The following C8orf34 variants were observed in gnomAD, a reference collection of about 807,000 sequenced individuals.
C8orf34 encodes the protein uncharacterized protein C8orf34.
A neutral mutation model predicts 68.3 loss-of-function variants in C8orf34; 65 were observed. That is an observed-to-expected ratio of 0.95 (90% confidence interval 0.78 to 1.17). The LOEUF is 1.17. Among genes scored for constraint, C8orf34 ranks in the 50% most tolerant of loss-of-function variants. C8orf34 has a pLI of 0.00. For synonymous variants in C8orf34, 244 were observed against 241.2 expected, an observed-to-expected ratio of 1.01 and a Z score of -0.11; for missense variants, 664 against 655.4, an observed-to-expected ratio of 1.01 and a Z score of -0.14.
chr8:68,659,922 G>A lies in C8orf34; in HGVS notation c.1241+19411G>A, dbSNP rs556460953. The stretch of plus-strand genomic sequence containing the variant: ...GAAAAGGATCTAAGACAACAATTGC[G>A]AATGACAAAATATCCAATGTAGTTA... On this transcript the variant is annotated intron_variant, in intron 8 of 13. Transcript: ENST00000518698. 1.4e-4 allele frequency among the ~76,000 whole-genome samples: 22 copies of A among 152,170 alleles called. No homozygotes were observed. The East Asian group carries it at 2.3e-3, about 16-fold the overall frequency.
intron 1 of C8orf34, among the ~76,000 whole-genome samples, chr8:68,401,563 C>T (rs1374190827): frequency 6.6e-6 from 1 of 151,758 alleles, no homozygotes; most frequent in Non-Finnish European, 1.5e-5. Context: ...TATGCCCATT[C>T]GTTGAGAGTT....
intron 7 of C8orf34, among the ~76,000 whole-genome samples, chr8:68,614,133 ATTGT>A (rs1818117407): frequency 6.6e-6 from 1 of 151,192 alleles, no homozygotes; most frequent in Non-Finnish European, 1.5e-5. Flanking sequence ...TTTTGATGGG[ATTGT>A]TTGTTTTTTT....
chr8:68,668,964 C>G (rs190192192), intron 8 of C8orf34, among the ~76,000 whole-genome samples: 16 of 152,246 alleles, frequency 1.1e-4, no homozygotes, highest in African/African-American at 3.9e-4. Context: ...GACCCCAGCC[C>G]AGCCAATGAC....
intron 1 of C8orf34, among the ~76,000 whole-genome samples, chr8:68,344,738 G>T (rs988306487): frequency 7.2e-5 from 11 of 152,072 alleles, no homozygotes; most frequent in African/African-American, 2.4e-4. Flanking sequence ...TTAATTGGAA[G>T]GTAAAGTAAT....
chr8:68,609,511 A>G (rs953172711), intron 7 of C8orf34, among the ~76,000 whole-genome samples: 1 of 152,178 alleles, frequency 6.6e-6, no homozygotes, highest in African/African-American at 2.4e-5. Flanking sequence ...ACAGAAGCCA[A>G]GGGTATAAAG....
intron 7 of C8orf34, among the ~76,000 whole-genome samples, chr8:68,536,333 T>C (rs1586339256): frequency 8.7e-6 from 1 of 114,366 alleles, no homozygotes; most frequent in African/African-American, 3.5e-5. Context: ...TAGTCCAGCC[T>C]GGGTGACAGA....
chr8:68,381,464 G>A (rs1808027869), intron 1 of C8orf34, among the ~76,000 whole-genome samples: 1 of 152,058 alleles, frequency 6.6e-6, no homozygotes, highest in South Asian at 2.1e-4. Context: ...CGGGCGCGGT[G>A]GCTCACGCCT....
intron 6 of C8orf34, among the ~76,000 whole-genome samples, chr8:68,528,190 C>T (rs982435603): frequency 1.3e-5 from 2 of 152,190 alleles, no homozygotes; most frequent in African/African-American, 4.8e-5. Context: ...CCTGGCCTCT[C>T]ACTTTCTTTA....
At chr8:68,483,070 A>G (rs1812928624) in intron 4 of C8orf34, among the ~76,000 whole-genome samples, 1 of 152,216 alleles carries the variant, frequency 6.6e-6, no homozygotes, top group African/African-American at 2.4e-5. Context: ...GAAATGAATT[A>G]CACTAAGGTA....
intron 5 of C8orf34, among the ~76,000 whole-genome samples, chr8:68,495,274 AAT>A (rs142794937): frequency 3.1e-4 from 46 of 148,774 alleles, no homozygotes; most frequent in Admixed American, 6.1e-4. Flanking sequence ...ATGTAACAAT[AAT>A]ATATATATAT....
chr8:68,454,018 G>A (rs1183042759), intron 3 of C8orf34, among the ~76,000 whole-genome samples: 2 of 151,738 alleles, frequency 1.3e-5, no homozygotes, highest in East Asian at 1.9e-4. Context: ...GCTTTTTCTC[G>A]ATCAATTGAG....
At chr8:68,808,147 C>G (rs1824539647) in intron 12 of C8orf34, among the ~76,000 whole-genome samples, 1 of 152,166 alleles carries the variant, frequency 6.6e-6, no homozygotes, top group Admixed American at 6.5e-5. Flanking sequence ...CCATTTAATA[C>G]TTTACTGCTT....
chr8:68,397,863 G>A (rs1808784283), intron 1 of C8orf34, among the ~76,000 whole-genome samples: 1 of 151,956 alleles, frequency 6.6e-6, no homozygotes, highest in Non-Finnish European at 1.5e-5. Flanking sequence ...CCACCTCCTG[G>A]GATCAAATGA....
intron 8 of C8orf34, among the ~76,000 whole-genome samples, chr8:68,691,948 C>T (rs528643887): frequency 6.6e-6 from 1 of 151,878 alleles, no homozygotes; most frequent in Non-Finnish European, 1.5e-5. Context: ...CTGAGCAACT[C>T]GGAATAAAAT....
At chr8:68,567,225 T>G (rs940715685) in intron 7 of C8orf34, among the ~76,000 whole-genome samples, 1 of 152,210 alleles carries the variant, frequency 6.6e-6, no homozygotes, top group African/African-American at 2.4e-5. Context: ...TTTGAATGTC[T>G]TGTACAATTC....
intron 10 of C8orf34, among the ~76,000 whole-genome samples, chr8:68,756,258 A>G (rs1318358208): frequency 6.6e-6 from 1 of 152,114 alleles, no homozygotes; most frequent in African/African-American, 2.4e-5. Context: ...TTTTTCCTAC[A>G]TTTGCAGCCT....
intron 1 of C8orf34, among the ~76,000 whole-genome samples, chr8:68,400,323 A>T (rs1808891936): frequency 6.6e-6 from 1 of 152,116 alleles, no homozygotes; most frequent in Non-Finnish European, 1.5e-5. Flanking sequence ...GTTCTAGTCC[A>T]TCTAGAGTTG....
intron 1 of C8orf34, chr8:68,438,277 A>G (rs1810747363): frequency 6.6e-6 from 1 of 152,178 alleles, no homozygotes; most frequent in South Asian, 2.1e-4. Flanking sequence ...TGGTGAGCAA[A>G]TGTTAAACAA....
intron 10 of C8orf34, among the ~76,000 whole-genome samples, chr8:68,750,288 C>G (rs924054227): frequency 2.6e-5 from 4 of 152,048 alleles, no homozygotes; most frequent in Non-Finnish European, 5.9e-5. Flanking sequence ...AAATAGAGTT[C>G]TATTGCATGC....
Sources: allele counts gnomAD v4.1 joint callset (sites outside exome capture counted in the v4.1 genomes callset), GRCh38; gene constraint gnomAD v4.1.1; transcripts MANE v1.5; gene names NCBI Gene and HGNC (gene_info 2026-07-23, HGNC 2026-07-21).